PTPRB: variants seen among roughly 807,000 people sequenced by gnomAD.
The protein encoded by PTPRB is protein tyrosine phosphatase receptor type B, also known as receptor-type tyrosine-protein phosphatase beta.
PTPRB carries 97 observed loss-of-function variants against 238.1 expected under a neutral mutation model. The ratio of observed to expected loss-of-function variants is 0.41; its 90% CI spans 0.35 to 0.48. PTPRB has a LOEUF of 0.48. PTPRB is among the 20% of genes least tolerant of loss of function. The probability of loss-of-function intolerance (pLI) is 0.30; values close to 1 mark genes in which losing one functional copy is unlikely to be tolerated. For missense variants in PTPRB, 2,292 were observed against 2,681.9 expected (o/e 0.85, Z 3.21); for synonymous variants, 970 against 995.4 (o/e 0.97, Z 0.48).
chr12:70,559,818 TACTTTTTTTTTTTTTTTTTC>T (rs1187090697), intron 17 of PTPRB, among the ~76,000 whole-genome samples, 194 bp from the exon 18 acceptor site: 3 of 111,522 alleles, frequency 2.7e-5, no homozygotes, highest in South Asian at 3.4e-4. Context: ...GCATTTTATG[TACTTTTTTTTTTTTTTTTTC>T]ACTTTTTTTT....
intron 33 of PTPRB, among the ~76,000 whole-genome samples, chr12:70,524,267 C>G (rs556365226): frequency 5.4e-5 from 8 of 148,610 alleles, no homozygotes; most frequent in African/African-American, 9.7e-5. Flanking sequence ...ACCATGATGT[C>G]TGGCTATTTT....
intron 4 of PTPRB, among the ~76,000 whole-genome samples, chr12:70,601,839 T>A (rs1883527541): frequency 6.7e-6 from 1 of 148,958 alleles, no homozygotes; most frequent in African/African-American, 2.5e-5. Context: ...TCACCCAGGC[T>A]GGAGTGCAGT....
chr12:70,596,392 T>A (rs1883034110), intron 4 of PTPRB, 65 bp from the exon 5 acceptor site: 1 of 1,309,066 alleles, frequency 7.6e-7, no homozygotes, highest in South Asian at 2.5e-5. Context: ...AAAAAGAACA[T>A]GGCTTGAAGA....
At chr12:70,528,164 A>T (rs963705552) in intron 32 of PTPRB, among the ~76,000 whole-genome samples, 1 of 152,188 alleles carries the variant, frequency 6.6e-6, no homozygotes, top group Non-Finnish European at 1.5e-5. Flanking sequence ...TTTCATTATG[A>T]TGGAAAGACT....
In PTPRB at chr12:70,590,132, T is replaced by G. The variant is rs1017398189; in HGVS notation, c.1882A>C (p.Ile628Leu). Residue 628 changes from isoleucine (I) to leucine (L), a missense_variant, in exon 8 of 34, where the codon ATC becomes CTC. Physicochemically the swap from Ile to Leu is conservative, Grantham distance 5. Transcript: ENST00000334414. ...PPAGDWEQYR[I>L]LLFNDSVVLL... ...ACCACAGAATCATTGAAGAGTAGGA[T>G]CCGATACTGCTCCCAGTCTCCAGCA... 2 of 1,613,846 alleles carry G rather than the reference T, an allele frequency of 1.2e-6. No individual in the cohort carries two copies. The highest frequency in any genetic ancestry group is 1.7e-6 in the Non-Finnish European group (2 of 1,179,830).
chr12:70,524,027 T>C (rs1871975444), intron 33 of PTPRB, among the ~76,000 whole-genome samples: 1 of 152,016 alleles, frequency 6.6e-6, no homozygotes, highest in Non-Finnish European at 1.5e-5. Flanking sequence ...GCCAGGCTGG[T>C]CTCGAGGTGA....
At chr12:70,603,880 C>T (rs1183893618) in intron 4 of PTPRB, among the ~76,000 whole-genome samples, 1 of 152,152 alleles carries the variant, frequency 6.6e-6, no homozygotes, top group African/African-American at 2.4e-5. Context: ...ATGCAAACTG[C>T]CCTTTCACAA....
intron 3 of PTPRB, among the ~76,000 whole-genome samples, chr12:70,613,077 A>C (rs1884530858): frequency 6.6e-6 from 1 of 152,158 alleles, no homozygotes; most frequent in South Asian, 2.1e-4. Flanking sequence ...ATGGGTCATC[A>C]AGGGGTCTGG....
chr12:70,627,955 G>A (rs560723991), intron 2 of PTPRB, among the ~76,000 whole-genome samples: 1 of 152,134 alleles, frequency 6.6e-6, no homozygotes, highest in Admixed American at 6.5e-5. Flanking sequence ...TTTTCCCAAG[G>A]GTGTATATGA....
intron 16 of PTPRB, 107 bp from the exon 17 acceptor site, chr12:70,561,041 T>C (rs1412626682): frequency 5.3e-6 from 6 of 1,142,204 alleles, no homozygotes; most frequent in Admixed American, 4.1e-5. Flanking sequence ...GTCGTACATA[T>C]TGTAGTCAGA....
At chr12:70,616,130 G>A (rs900115749) in intron 3 of PTPRB, among the ~76,000 whole-genome samples, 13 of 151,890 alleles carry the variant, frequency 8.6e-5, no homozygotes, top group Non-Finnish European at 1.9e-4. Context: ...ATTTTATAGA[G>A]ATGGGATCTC....
At chr12:70,529,634 T>C (rs374243066) in intron 32 of PTPRB, among the ~76,000 whole-genome samples, 9 of 151,710 alleles carry the variant, frequency 5.9e-5, no homozygotes, top group African/African-American at 2.2e-4. Context: ...TGAAGGATAA[T>C]AATTAATAAG....
In PTPRB at chr12:70,571,019, A is replaced by G; in HGVS notation, c.3370+7T>C. 6.2e-7 allele frequency: 1 copy of G among 1,613,654 alleles called. No homozygotes were observed. Among genetic ancestry groups the G allele is most frequent in the Non-Finnish European group, 8.5e-7 (1 of 1,179,646 alleles). On this transcript the variant is annotated splice_region_variant and intron_variant, in intron 13 of 33. Transcript: ENST00000334414. The stretch of plus-strand genomic sequence containing the variant: ...TATTCAGGTTCAAGAACAGTATTTC[A>G]CATTACCTGTGAAGCCCTCAATGAA...
intron 16 of PTPRB, among the ~76,000 whole-genome samples, chr12:70,561,863 G>T (rs1878522902): frequency 6.6e-6 from 1 of 152,182 alleles, no homozygotes; most frequent in African/African-American, 2.4e-5. Flanking sequence ...CGCTATTGCA[G>T]AGTTCTCTGA....
chr12:70,524,867 ATATATGTGTG>A (rs1872133099), intron 32 of PTPRB, among the ~76,000 whole-genome samples: 1 of 147,708 alleles, frequency 6.8e-6, no homozygotes, highest in South Asian at 2.1e-4. Flanking sequence ...ATATGTGTGT[ATATATGTGTG>A]TATATATGTA....
Position 70,592,353 on chromosome 12 carries a change from C to A in PTPRB, c.1709G>T (p.Arg570Leu). The stretch of plus-strand genomic sequence containing the variant: ...ACAGCTGACAGTAACTTGATAAAGT[C>A]GACCGGGGACTAACTCTTTAAAGTG... ...ETHFKELVPG[R>L]LYQVTVSCVS... The change falls in exon 7 of 34, where the codon CGA becomes CTA. Residue 570 changes from arginine to leucine, a missense_variant. Transcript: ENST00000334414. 6.2e-7 allele frequency: 1 copy of A among 1,613,960 alleles called. No individual in the cohort carries two copies. Among genetic ancestry groups the A allele is most frequent in the Non-Finnish European group, 8.5e-7 (1 of 1,179,864 alleles).
In PTPRB at chr12:70,592,406, T is replaced by G; in HGVS notation, c.1656A>C (p.Arg552Ser). 6.2e-7 allele frequency: 1 copy of G among 1,613,910 alleles called. No homozygotes were observed. Among genetic ancestry groups the G allele is most frequent in the Admixed American group, 1.7e-5 (1 of 60,006 alleles). Reference sequence around the variant, plus strand: ...TTTCAGTAATCCAAGGTGCTAATACTCTGGATTCCTTGATGGTCCCTTTGT... The same window carrying G: ...TTTCAGTAATCCAAGGTGCTAATACGCTGGATTCCTTGATGGTCCCTTTGT... ...LSHKGTIKESRVLAPWITETH... is the reference protein window; with the variant it reads ...LSHKGTIKESSVLAPWITETH... Residue 552 changes from arginine to serine, a missense_variant, in exon 7 of 34, where the codon AGA (arginine) becomes AGC (serine). Physicochemically the swap from Arg to Ser is moderately radical, Grantham distance 110. Around this residue, in one of 4 missense-constraint regions of PTPRB, gnomAD observed 1,205 missense variants for 1,287.8 expected, o/e 0.94. Transcript: ENST00000334414.
chr12:70,527,612 T>C (rs1490236311), intron 32 of PTPRB: 2 of 152,170 alleles, frequency 1.3e-5, no homozygotes, highest in Non-Finnish European at 2.9e-5. Context: ...CAAATTTCCC[T>C]CAAAGCAGCA....
chr12:70,582,025 C>A (rs1430456310), intron 9 of PTPRB, among the ~76,000 whole-genome samples: 2 of 152,008 alleles, frequency 1.3e-5, no homozygotes, highest in African/African-American at 2.4e-5. Context: ...TAACAAATAG[C>A]CAACCTGGAA....
Sources: allele counts gnomAD v4.1 joint callset (sites outside exome capture counted in the v4.1 genomes callset), GRCh38; gene constraint gnomAD v4.1.1; regional missense constraint gnomAD v4.1.1; transcripts MANE v1.5; gene names NCBI Gene and HGNC (gene_info 2026-07-23, HGNC 2026-07-21).